ATG13: variants seen among roughly 807,000 people sequenced by gnomAD.
ATG13 encodes autophagy-related protein 13.
Under a neutral mutation model 65.5 loss-of-function variants are expected in ATG13, and 23 were observed. The observed-to-expected ratio is 0.35, with a 90% confidence interval of 0.25 to 0.50. The LOEUF is 0.50. Ranked by LOEUF, ATG13 falls within the 20% of genes least tolerant of loss-of-function variation. The probability of loss-of-function intolerance (pLI) is 0.98; values close to 1 mark genes in which losing one functional copy is unlikely to be tolerated. For synonymous variants in ATG13, 252 were observed against 245.2 expected, an observed-to-expected ratio of 1.03 and a Z score of -0.26; for missense variants, 566 against 677.0, an observed-to-expected ratio of 0.84 and a Z score of 1.82.
chr11:46,662,892 TGAGTCTA>T (rs2061471770), intron 11 of ATG13, among the ~76,000 whole-genome samples: 1 of 152,160 alleles, frequency 6.6e-6, no homozygotes, highest in African/African-American at 2.4e-5. Flanking sequence ...GGCACAGAGT[TGAGTCTA>T]GAAATGAACC....
chr11:46,672,430 G>C lies in ATG13; in HGVS notation c.*98G>C. 1 of 1,599,382 alleles carries C rather than the reference G, an allele frequency of 6.3e-7. No homozygotes were observed. The highest frequency in any genetic ancestry group is 8.5e-7 in the Non-Finnish European group (1 of 1,171,732). ...GCTCCCACCCCTCATCCTGCTCTGA[G>C]CCAGGTGGAAGGGAGGCTGGCTTCT... On this transcript the variant is annotated 3_prime_UTR_variant, in exon 19 of 19. Transcript: ENST00000683050.
chr11:46,665,557 G>C (rs780983554), intron 14 of ATG13, 38 bp downstream of exon 14: 1 of 1,608,938 alleles, frequency 6.2e-7, no homozygotes, highest in Non-Finnish European at 8.5e-7. Context: ...GGTAAGGCTG[G>C]CCAGGGGCCT....
Position 46,617,882 on chromosome 11 carries a change from G to C in ATG13, c.-78G>C, listed in dbSNP as rs1195460719. 2.5e-6 allele frequency: 1 copy of C among 399,018 alleles called. No homozygotes were observed. The highest frequency in any genetic ancestry group is 4.4e-6 in the Non-Finnish European group (1 of 226,126). 24.7% of individuals were successfully genotyped at this position (399,018 alleles called of 1,614,324 possible). Reference sequence around the variant, plus strand: ...GCCCGGAACCACTCTTTGTGCCGCAGCTTCGCAGGTACTAACTTTTGCGGG... The same window carrying C: ...GCCCGGAACCACTCTTTGTGCCGCACCTTCGCAGGTACTAACTTTTGCGGG... On this transcript the variant is annotated 5_prime_UTR_variant, in exon 1 of 19. Coordinates refer to ENST00000683050, the MANE Select transcript of ATG13 (RefSeq NM_001346311.2).
chr11:46,643,014 T>A (rs909790331), intron 2 of ATG13, among the ~76,000 whole-genome samples: 3 of 152,148 alleles, frequency 2.0e-5, no homozygotes, highest in African/African-American at 7.2e-5. Flanking sequence ...GGGTGCAGGT[T>A]TTATAGTGCC....
At chr11:46,662,492 GCTAT>G (rs2061405526) in intron 11 of ATG13, among the ~76,000 whole-genome samples, 1 of 152,102 alleles carries the variant, frequency 6.6e-6, no homozygotes, top group Non-Finnish European at 1.5e-5. Context: ...GTGACTAGAG[GCTAT>G]CTTTTTAATG....
chr11:46,644,449 A>G (rs2057002146), intron 3 of ATG13, 89 bp downstream of exon 3: 1 of 1,166,646 alleles, frequency 8.6e-7, no homozygotes, highest in Non-Finnish European at 1.2e-6. Flanking sequence ...GGAAAGTAGC[A>G]TAACAGCTTG....
chr11:46,655,477 G>A (rs1205632160), intron 7 of ATG13, among the ~76,000 whole-genome samples: 2 of 152,134 alleles, frequency 1.3e-5, no homozygotes, highest in Admixed American at 1.3e-4. Flanking sequence ...GGAGGCTGAG[G>A]TAGGAGAATC....
chr11:46,659,618 G>A, intron 11 of ATG13, 133 bp downstream of exon 11: 3 of 644,008 alleles, frequency 4.7e-6, no homozygotes, highest in East Asian at 5.5e-5. Flanking sequence ...ACTTTGAGGG[G>A]TAAGAGAGAG....
chr11:46,621,813 T>C (rs934621742), intron 1 of ATG13, among the ~76,000 whole-genome samples: 7 of 151,872 alleles, frequency 4.6e-5, no homozygotes, highest in Admixed American at 2.6e-4. Context: ...ATTCTTACTC[T>C]CATGTGTTTG....
At chr11:46,620,759 G>A (rs927156274) in intron 1 of ATG13, among the ~76,000 whole-genome samples, 2 of 151,984 alleles carry the variant, frequency 1.3e-5, no homozygotes, top group Non-Finnish European at 2.9e-5. Context: ...TGGGCAACAA[G>A]AGTGAAACTC....
intron 2 of ATG13, among the ~76,000 whole-genome samples, chr11:46,635,492 C>T (rs2053638306): frequency 6.6e-6 from 1 of 152,040 alleles, no homozygotes; most frequent in African/African-American, 2.4e-5. Flanking sequence ...TAAAAAATTG[C>T]ATAGCAAGAG....
chr11:46,627,357 C>A (rs1368919455), intron 1 of ATG13, among the ~76,000 whole-genome samples: 1 of 151,664 alleles, frequency 6.6e-6, no homozygotes, highest in Non-Finnish European at 1.5e-5. Context: ...CCATCCAGGG[C>A]GACAGAGCAA....
At chr11:46,627,204 AC>A (rs777170083) in intron 1 of ATG13, among the ~76,000 whole-genome samples, 1 of 151,814 alleles carries the variant, frequency 6.6e-6, no homozygotes, top group Non-Finnish European at 1.5e-5. Context: ...ACATGATGAA[AC>A]CCTATCTCTA....
chr11:46,653,566 CTTT>C (rs573563973), intron 7 of ATG13, among the ~76,000 whole-genome samples: 1 of 142,590 alleles, frequency 7.0e-6, no homozygotes, highest in Non-Finnish European at 1.5e-5. Context: ...CATGAAGCTT[CTTT>C]TTTTTTTTTT....
chr11:46,659,215 G>T (rs983140093), intron 10 of ATG13, 177 bp from the exon 11 acceptor site: 46 of 554,764 alleles, frequency 8.3e-5, no homozygotes, highest in Non-Finnish European at 1.4e-4. Context: ...AAACCTCTGA[G>T]TGCCACTCTC....
chr11:46,631,861 C>T (rs1030789743), intron 2 of ATG13, among the ~76,000 whole-genome samples: 2 of 152,120 alleles, frequency 1.3e-5, no homozygotes, highest in African/African-American at 2.4e-5. Flanking sequence ...CCTTGGATGA[C>T]AGAACAAGAC....
At chr11:46,642,301 T>TG (rs1383780075) in intron 2 of ATG13, among the ~76,000 whole-genome samples, 17 of 112,056 alleles carry the variant, frequency 1.5e-4, no homozygotes, top group Non-Finnish European at 1.8e-5. Flanking sequence ...TTTATTTTTG[T>TG]GGGTTTTTTT....
chr11:46,670,203 C>T (rs1028426740), intron 18 of ATG13, among the ~76,000 whole-genome samples: 2 of 152,128 alleles, frequency 1.3e-5, no homozygotes, highest in African/African-American at 4.8e-5. Context: ...ACAGTAATAG[C>T]CAGGTGCAGT....
At chr11:46,645,771 A>G (rs961810689) in intron 4 of ATG13, 99 bp from the exon 5 acceptor site, 7 of 1,498,964 alleles carry the variant, frequency 4.7e-6, no homozygotes, top group African/African-American at 4.2e-5. Flanking sequence ...GTCTTCCTTA[A>G]TCAGCCACAG....
Sources: gnomAD v4.1 joint callset for allele counts (sites outside exome capture counted in the v4.1 genomes callset) on GRCh38, gnomAD v4.1.1 for gene constraint, MANE v1.5 for transcripts, NCBI Gene and HGNC (gene_info 2026-07-23, HGNC 2026-07-21) for gene names.